SGK3: variants seen among roughly 807,000 people sequenced by gnomAD.
The protein encoded by SGK3 is serine/threonine-protein kinase Sgk3.
In SGK3, 47 loss-of-function variants were observed where a neutral mutation model predicts 68.5. That is an observed-to-expected ratio of 0.69 (90% CI 0.54 to 0.87). The LOEUF (loss-of-function observed/expected upper bound fraction) is 0.87. Among genes scored for constraint, SGK3 ranks in the 40% least tolerant of loss-of-function variants. The pLI, the probability that SGK3 is intolerant of heterozygous loss-of-function variation, is 0.00. For missense variants in SGK3, 479 were observed against 575.5 expected (o/e 0.83, Z 1.72); for synonymous variants, 181 against 189.1 (o/e 0.96, Z 0.35).
chr8:66,779,193 G>C (rs769613219), intron 1 of SGK3, among the ~76,000 whole-genome samples: 8 of 152,070 alleles, frequency 5.3e-5, no homozygotes, highest in Non-Finnish European at 1.2e-4. Context: ...TACTATTGTT[G>C]AAGTTTATAG....
intron 1 of SGK3, among the ~76,000 whole-genome samples, chr8:66,749,302 C>T (rs950541890): frequency 1.1e-4 from 17 of 151,956 alleles, no homozygotes; most frequent in Non-Finnish European, 1.6e-4. Context: ...TCACGAGGCC[C>T]GGAGTTCGAG....
chr8:66,805,830 T>A (rs996301698), intron 4 of SGK3, among the ~76,000 whole-genome samples: 4 of 152,234 alleles, frequency 2.6e-5, no homozygotes, highest in African/African-American at 9.6e-5. Flanking sequence ...ATACCTCACA[T>A]GTCTGTGTAA....
Position 66,859,716 on chromosome 8 carries a change from T to C in SGK3, c.*135T>C. ...TGTAATGATGAAAACTATGAAAAAATGTATTTTCTTCTATGTGCAAGAAAA... is the reference window on the plus strand; with the variant it reads ...TGTAATGATGAAAACTATGAAAAAACGTATTTTCTTCTATGTGCAAGAAAA... On this transcript the variant is annotated 3_prime_UTR_variant, in exon 17 of 17. Coordinates refer to ENST00000521198, the MANE Select transcript of SGK3 (RefSeq NM_001033578.3). 1 of 1,081,198 alleles carries C rather than the reference T, an allele frequency of 9.2e-7. No homozygotes were observed. The highest frequency in any genetic ancestry group is 1.2e-6 in the Non-Finnish European group (1 of 822,950). The allele number at this position is 1,081,198 out of a possible 1,614,324, so 67.0% of individuals were successfully genotyped here. A position where few individuals can be genotyped will look rare whatever the true frequency, so the allele number is the denominator to read the frequency against.
chr8:66,802,880 G>T (rs1227061891), intron 3 of SGK3, among the ~76,000 whole-genome samples: 1 of 152,008 alleles, frequency 6.6e-6, no homozygotes, highest in Non-Finnish European at 1.5e-5. Context: ...GGCCATTCCT[G>T]GTTCATCTCT....
At chr8:66,805,141 A>T (rs1334621869) in intron 4 of SGK3, among the ~76,000 whole-genome samples, 1 of 152,100 alleles carries the variant, frequency 6.6e-6, no homozygotes, top group Admixed American at 6.6e-5. Context: ...AATCAGTATC[A>T]TGAAGAATAT....
chr8:66,853,557 C>T (rs913539466), intron 16 of SGK3, among the ~76,000 whole-genome samples: 1 of 152,148 alleles, frequency 6.6e-6, no homozygotes, highest in Non-Finnish European at 1.5e-5. Flanking sequence ...ATGAATGTTT[C>T]TAGCAGTTAC....
At chr8:66,761,571 C>A (rs977611337) in intron 1 of SGK3, among the ~76,000 whole-genome samples, 2 of 152,232 alleles carry the variant, frequency 1.3e-5, no homozygotes, top group East Asian at 3.9e-4. Flanking sequence ...GTGTTTGAGA[C>A]CACCCTAGCC....
chr8:66,756,964 C>T (rs1333130850), intron 1 of SGK3, among the ~76,000 whole-genome samples: 3 of 152,034 alleles, frequency 2.0e-5, no homozygotes, highest in Admixed American at 6.6e-5. Context: ...CCCAGTCTCC[C>T]TTAACCTTAT....
chr8:66,820,815 T>G (rs1808781123), intron 5 of SGK3, among the ~76,000 whole-genome samples: 1 of 152,212 alleles, frequency 6.6e-6, no homozygotes. Flanking sequence ...GTGATTCCCC[T>G]GCCTCAGCGT....
intron 1 of SGK3, among the ~76,000 whole-genome samples, chr8:66,758,225 G>A (rs1476785463): frequency 6.6e-6 from 1 of 151,766 alleles, no homozygotes; most frequent in Non-Finnish European, 1.5e-5. Flanking sequence ...GTGGTGGTGG[G>A]TGCCTGTGAT....
intron 1 of SGK3, among the ~76,000 whole-genome samples, chr8:66,752,578 T>C (rs73691579): frequency 0.13 from 18,866 of 150,492 alleles, 2,161 homozygotes; most frequent in African/African-American, 0.3. Flanking sequence ...GAGTAGGAGT[T>C]ACCCTGTGAA....
At chr8:66,827,345 G>T (rs1274770311) in intron 6 of SGK3, among the ~76,000 whole-genome samples, 1 of 141,868 alleles carries the variant, frequency 7.0e-6, no homozygotes, top group Non-Finnish European at 1.5e-5. Flanking sequence ...TCATGCCACT[G>T]CACTCCATCC....
chr8:66,830,266 A>G (rs1809252526), intron 7 of SGK3, among the ~76,000 whole-genome samples: 1 of 152,162 alleles, frequency 6.6e-6, no homozygotes, highest in Non-Finnish European at 1.5e-5. Context: ...CATGCTTTTC[A>G]CTGTTAGATT....
At chr8:66,727,802 C>A (rs1805026650) in intron 1 of SGK3, among the ~76,000 whole-genome samples, 3 of 152,070 alleles carry the variant, frequency 2.0e-5, no homozygotes, top group Non-Finnish European at 4.4e-5. Flanking sequence ...TATAAATTAC[C>A]CAGTGTCAGG....
chr8:66,836,070 G>T lies in SGK3; in HGVS notation c.737G>T (p.Gly246Val). 1.2e-6 allele frequency: 2 copies of T among 1,610,760 alleles called. No homozygotes were observed. The highest frequency in any genetic ancestry group is 2.2e-5 in the South Asian group (2 of 90,292). ...LYFVLDFVNGGELFFHLQRER... is the reference protein window; with the variant it reads ...LYFVLDFVNGVELFFHLQRER... ...TTTGTTCTGGATTTTGTTAATGGAG[G>T]GGAGGTGAGTTTTATAATGAGTTTT... Residue 246 changes from glycine (G) to valine (V), a missense_variant, in exon 10 of 17, where the codon GGG (glycine) becomes GTG (valine). Physicochemically the swap from Gly to Val is moderately radical, Grantham distance 109 (BLOSUM62 -3). Coordinates refer to ENST00000521198, the MANE Select transcript of SGK3 (RefSeq NM_001033578.3).
intron 1 of SGK3, among the ~76,000 whole-genome samples, chr8:66,766,520 C>CA (rs771656324): frequency 3.9e-5 from 6 of 151,964 alleles, no homozygotes; most frequent in Non-Finnish European, 8.8e-5. Context: ...AAGACTGTCT[C>CA]AAAATATAAA....
intron 1 of SGK3, among the ~76,000 whole-genome samples, chr8:66,744,536 T>TGTTTTG (rs1384667840): frequency 0.015 from 1,775 of 122,354 alleles, 82 homozygotes; most frequent in African/African-American, 0.018. Flanking sequence ...TTTTTTTTTT[T>TGTTTTG]TTTTTTTTTA....
At chr8:66,852,650 T>C (rs997713481) in intron 16 of SGK3, among the ~76,000 whole-genome samples, 36 of 152,286 alleles carry the variant, frequency 2.4e-4, no homozygotes, top group Non-Finnish European at 3.7e-4. Context: ...CTATCAGGCT[T>C]TGTTCCAGGT....
intron 15 of SGK3, among the ~76,000 whole-genome samples, chr8:66,848,946 C>T (rs1810150561): frequency 2.0e-5 from 3 of 152,206 alleles, no homozygotes; most frequent in Admixed American, 2.0e-4. Flanking sequence ...AGCATTTAAA[C>T]TTGCAACACT....
Sources: gnomAD v4.1 joint callset for allele counts (sites outside exome capture counted in the v4.1 genomes callset) on GRCh38, gnomAD v4.1.1 for gene constraint, MANE v1.5 for transcripts, NCBI Gene and HGNC (gene_info 2026-07-23, HGNC 2026-07-21) for gene names.